The following DGKQ variants were observed in gnomAD, a reference collection of about 807,000 sequenced individuals.
DGKQ encodes the protein DAG kinase theta.
In DGKQ, 97 loss-of-function variants were observed where a neutral mutation model predicts 104.2. That is an observed-to-expected ratio of 0.93 (90% confidence interval 0.79 to 1.10). The LOEUF (loss-of-function observed/expected upper bound fraction) is 1.10, where lower values mean the gene tolerates loss of function less well. Among genes scored for constraint, DGKQ ranks in the 50% least tolerant of loss-of-function variants. DGKQ has a pLI of 0.00. For synonymous variants in DGKQ, 736 were observed against 595.2 expected, an observed-to-expected ratio of 1.24 and a Z score of -3.44; for missense variants, 1,465 against 1,352.1, an observed-to-expected ratio of 1.08 and a Z score of -1.31.
At chr4:964,736 T>G (rs1009467146) in intron 15 of DGKQ, among the ~76,000 whole-genome samples, 10 of 152,194 alleles carry the variant, frequency 6.6e-5, no homozygotes, top group Non-Finnish European at 1.5e-4. Context: ...AGGCTGAGGC[T>G]GTACCGGGAG....
chr4:961,287 G>A, intron 21 of DGKQ, 86 bp from the exon 22 acceptor site: 2 of 1,312,220 alleles, frequency 1.5e-6, no homozygotes, highest in South Asian at 1.5e-5. Flanking sequence ...GGCCAGCCGA[G>A]CAGGGACCAG....
chr4:967,680 C>A (rs368178626), intron 7 of DGKQ, 31 bp from the exon 8 acceptor site: 8 of 1,612,098 alleles, frequency 5.0e-6, no homozygotes, highest in African/African-American at 2.7e-5. Context: ...GAGTCCCGGG[C>A]GCCCGGGGGA....
chr4:973,188 T>A, intron 1 of DGKQ, 24 bp downstream of exon 1: 1 of 1,522,788 alleles, frequency 6.6e-7, no homozygotes, highest in South Asian at 1.2e-5. Context: ...TGCAGCCGGG[T>A]AGGCATCGGG....
In DGKQ at chr4:968,842, C is replaced by T. The variant is rs760306217; in HGVS notation, c.420G>A (p.Lys140=). 1.9e-5 allele frequency: 31 copies of T among 1,610,994 alleles called. No homozygotes were observed. In the South Asian group the frequency reaches 2.2e-4, roughly 11 times the overall value. Residue 140 remains lysine (K), a synonymous_variant, in exon 3 of 23, where the codon AAG becomes AAA. Coordinates refer to ENST00000273814, the MANE Select transcript of DGKQ (RefSeq NM_001347.4). ...AGTGGAGCGCCGGTGCCTCCAGGAC[C>T]TTGCGGCAGACAGCACAGAACTTGC... is the stretch of plus-strand genomic sequence containing the variant. The part of the protein sequence containing the change: ...HKRKFCAVCR[K]VLEAPALHCE...
In DGKQ at chr4:962,431, G is replaced by A. The variant is rs369622518; in HGVS notation, c.2214+4C>T. On this transcript the variant is annotated splice_donor_region_variant and intron_variant, in intron 18 of 22. Coordinates refer to ENST00000273814, the MANE Select transcript of DGKQ (RefSeq NM_001347.4). ...AAGGCACCCCACGCCGGGCTGCCCT[G>A]TACCTTGGGGGGCTCTGCGTCTGCC... is the stretch of plus-strand genomic sequence containing the variant. 40 of 1,566,444 alleles carry A rather than the reference G, an allele frequency of 2.6e-5. No individual in the cohort carries two copies. The African/African-American group carries it at 4.3e-4, about 17-fold the overall frequency.
Position 966,484 on chromosome 4 carries a change from C to A in DGKQ, c.1410G>T (p.Arg470=). ...CACTCACCTGCCGGATGTCCTGTAGCCGGTCCAGCAGGGGCTGTTCGTCCA... is the reference window on the plus strand; with the variant it reads ...CACTCACCTGCCGGATGTCCTGTAGACGGTCCAGCAGGGGCTGTTCGTCCA... ...MLMDEQPLLD[R]LQDIRQMSVR... is the part of the protein sequence containing the mutation. The change falls in exon 12 of 23, where the codon CGG becomes CGT. Residue 470 remains arginine, a synonymous_variant. Transcript: ENST00000273814. The A allele has an allele frequency of 3.1e-6, 5 of 1,612,612 alleles. No homozygotes were observed. Among genetic ancestry groups the A allele is most frequent in the Non-Finnish European group, 4.2e-6 (5 of 1,179,764 alleles).
rs987350759 is a variant in DGKQ at position 962,042 on chromosome 4, G to C, written c.2255C>G (p.Ala752Gly). The part of the protein sequence containing the change: ...MSNYCGIGID[A>G]ELSLDFHQAR... ...CTGGTGGAAGTCCAGGCTCAGCTCCGCGTCGATGCCAATGCCACAGTAGTT... is the reference window on the plus strand; with the variant it reads ...CTGGTGGAAGTCCAGGCTCAGCTCCCCGTCGATGCCAATGCCACAGTAGTT... The change falls in exon 19 of 23, where the codon GCG becomes GGG. Residue 752 changes from alanine (A) to glycine (G), a missense_variant. Ala to Gly is a moderately conservative substitution (Grantham distance 60). Coordinates refer to ENST00000273814, the MANE Select transcript of DGKQ (RefSeq NM_001347.4). 1 of 1,612,816 alleles carries C rather than the reference G, an allele frequency of 6.2e-7. No individual in the cohort carries two copies. Among genetic ancestry groups the C allele is most frequent in the Admixed American group, 1.7e-5 (1 of 59,988 alleles).
In DGKQ at chr4:971,725, G is replaced by A. The variant is rs947219673; in HGVS notation, c.272-653C>T. Among the ~76,000 whole-genome samples, 5 of 152,112 alleles carry A rather than the reference G, an allele frequency of 3.3e-5. No individual in the cohort carries two copies. The highest frequency in any genetic ancestry group is 7.2e-5 in the African/African-American group (3 of 41,428). On this transcript the variant is annotated intron_variant, in intron 1 of 22. Coordinates refer to ENST00000273814, the MANE Select transcript of DGKQ (RefSeq NM_001347.4). This position sits in a 1 kb window ranked among gnomAD's most constrained non-coding sequence, Gnocchi z 4.0. The stretch of plus-strand genomic sequence containing the variant: ...GCAGTAAAACAGACAGGAGGGTGGG[G>A]CCGGGGCAGAAGGGAGGGCAGGAAC...
chr4:968,341 TC>T lies in DGKQ; in HGVS notation c.603del (p.Lys202ArgfsTer99). 1 of 1,388,356 alleles carries T rather than the reference TC, an allele frequency of 7.2e-7. No homozygotes were observed. The highest frequency in any genetic ancestry group is 2.0e-5 in the African/African-American group (1 of 50,564). 86.0% of individuals were successfully genotyped at this position (1,388,356 alleles called of 1,614,324 possible). On this transcript the variant is annotated frameshift_variant, in exon 5 of 23. Transcript: ENST00000273814. LOFTEE classifies it high-confidence loss of function. ...AGCACGTCAGAGGAGCCGCACGTCT[TC>T]CTGCAGACCTCGCAGCGCGCTCCCG... ...LPSGARCEVC[R>X]KTCGSSDVLA...
chr4:962,065 G>C lies in DGKQ; in HGVS notation c.2232C>G (p.Asn744Lys), dbSNP rs773185079. 2 of 1,612,316 alleles carry C rather than the reference G, an allele frequency of 1.2e-6. No homozygotes were observed. The highest frequency in any genetic ancestry group is 1.7e-6 in the Non-Finnish European group (2 of 1,179,912). ...AEPPKIVQMS[N>K]YCGIGIDAEL... ...CCGCGTCGATGCCAATGCCACAGTA[G>C]TTACTCATCTGCACGATCTGGGGAC... The change falls in exon 19 of 23, where the codon AAC becomes AAG. Residue 744 changes from asparagine to lysine, a missense_variant. Asn to Lys is a moderately conservative substitution (Grantham distance 94, BLOSUM62 0). Coordinates refer to ENST00000273814, the MANE Select transcript of DGKQ (RefSeq NM_001347.4).
In DGKQ at chr4:973,211, C is replaced by A; in HGVS notation, c.271+1G>T. ...GGTAGGCATCGGGCCCGGGCGCTCA[C>A]CGTCGCACAGGAAGCCGGCCAGCCC... On this transcript the variant is annotated splice_donor_variant, in intron 1 of 22. Coordinates refer to ENST00000273814, the MANE Select transcript of DGKQ (RefSeq NM_001347.4). LOFTEE classifies it high-confidence loss of function. 6.4e-7 allele frequency: 1 copy of A among 1,554,320 alleles called. No individual in the cohort carries two copies. Among genetic ancestry groups the A allele is most frequent in the Admixed American group, 1.8e-5 (1 of 54,264 alleles).
intron 2 of DGKQ, among the ~76,000 whole-genome samples, chr4:970,551 C>T (rs1712845291): frequency 1.3e-5 from 2 of 152,194 alleles, no homozygotes; most frequent in Non-Finnish European, 2.9e-5. Context: ...CTTGTGGGTT[C>T]ACACATAGCT....
At position 960,196 on chromosome 4, in the gene DGKQ, C is replaced by A; in HGVS notation, c.*424G>T. 5.6e-6 allele frequency: 1 copy of A among 179,564 alleles called. No individual in the cohort carries two copies. Among genetic ancestry groups the A allele is most frequent in the South Asian group, 1.5e-4 (1 of 6,780 alleles). 11.1% of individuals were successfully genotyped at this position (179,564 alleles called of 1,614,324 possible). A position where few individuals can be genotyped will look rare whatever the true frequency, so the allele number is the denominator to read the frequency against. ...GGAGCCTGCTGCTCTTAAGGACTGG[C>A]CAGGGGGACGGCCCGAGGGGCACAA... is the stretch of plus-strand genomic sequence containing the variant. On this transcript the variant is annotated 3_prime_UTR_variant, in exon 23 of 23. Transcript: ENST00000273814.
chr4:968,376 T>C lies in DGKQ; in HGVS notation c.569A>G (p.Asn190Ser). ...CTCGCAGCGCGCTCCCGAGGGCAGG[T>C]TCCCCTCCCGCCAGTGGTGGTGATG... Reference protein sequence around the residue: ...DTHHHHWREGNLPSGARCEVC... With the variant: ...DTHHHHWREGSLPSGARCEVC... Residue 190 changes from asparagine (N) to serine (S), a missense_variant, in exon 5 of 23, where the codon AAC becomes AGC. Coordinates refer to ENST00000273814, the MANE Select transcript of DGKQ (RefSeq NM_001347.4). The C allele has an allele frequency of 6.4e-7, 1 of 1,556,176 alleles. No individual in the cohort carries two copies. The highest frequency in any genetic ancestry group is 1.9e-5 in the Admixed American group (1 of 52,450).
chr4:962,466 T>G lies in DGKQ; in HGVS notation c.2183A>C (p.Glu728Ala). The G allele has an allele frequency of 6.2e-7, 1 of 1,602,114 alleles. No individual in the cohort carries two copies. Among genetic ancestry groups the G allele is most frequent in the Admixed American group, 1.7e-5 (1 of 59,394 alleles). Residue 728 changes from glutamate (E) to alanine (A), a missense_variant, in exon 18 of 23, where the codon GAG (glutamate) becomes GCG (alanine). Transcript: ENST00000273814. ...LLDAHEAGSA[E>A]NDTADAEPPK... ...GGGCTCTGCGTCTGCCGTGTCGTTC[T>G]CTGCACTGCCAGCCTCGTGGGCATC...
At position 968,042 on chromosome 4, in the gene DGKQ, G is replaced by A; in HGVS notation, c.664-15C>T. On this transcript the variant is annotated splice_polypyrimidine_tract_variant and intron_variant, in intron 5 of 22. Transcript: ENST00000273814. ...AGGGAGTGCGCCTGGGGGGAGAAGG[G>A]CCTGAGCTGGGGGGTTGGAGCCAGG... 1.4e-6 allele frequency: 2 copies of A among 1,419,548 alleles called. No homozygotes were observed. The highest frequency in any genetic ancestry group is 2.7e-5 in the East Asian group (1 of 36,974). The allele number at this position is 1,419,548 out of a possible 1,614,324, so 87.9% of individuals were successfully genotyped here.
intron 16 of DGKQ, 90 bp from the exon 17 acceptor site, chr4:963,010 T>G: frequency 1.3e-6 from 2 of 1,513,282 alleles, no homozygotes; most frequent in Non-Finnish European, 1.8e-6. Flanking sequence ...GTCCTGGCCG[T>G]GTGGAGGACT....
intron 8 of DGKQ, 86 bp downstream of exon 8, chr4:967,463 G>A: frequency 6.7e-7 from 1 of 1,482,066 alleles, no homozygotes; most frequent in South Asian, 1.2e-5. Flanking sequence ...AGGGGCGCCA[G>A]GTTGGGGGAG....
chr4:960,773 C>T (rs756288705), intron 22 of DGKQ, 52 bp from the exon 23 acceptor site: 54 of 1,597,402 alleles, frequency 3.4e-5, no homozygotes, highest in Admixed American at 2.4e-4. Context: ...GATGAAAGAA[C>T]GGTACACGGG....
Sources: gnomAD v4.1 joint callset for allele counts (sites outside exome capture counted in the v4.1 genomes callset) on GRCh38, gnomAD v4.1.1 for gene constraint, Gnocchi (gnomAD v3.1) non-coding constraint, MANE v1.5 for transcripts, NCBI Gene and HGNC (gene_info 2026-07-23, HGNC 2026-07-21) for gene names.